The following VSTM5 variants were observed in gnomAD, a reference collection of about 807,000 sequenced individuals.
The protein encoded by VSTM5 is V-set and transmembrane domain containing 5, also known as V-set and transmembrane domain-containing protein 5.
VSTM5 carries 21 observed loss-of-function variants against 20.3 expected under a neutral mutation model. That is an observed-to-expected ratio of 1.03 (90% CI 0.73 to 1.49). The LOEUF (loss-of-function observed/expected upper bound fraction) is 1.49, where lower values mean the gene tolerates loss of function less well. Among genes scored for constraint, VSTM5 ranks in the 40% most tolerant of loss-of-function variants. The pLI, the probability that VSTM5 is intolerant of heterozygous loss-of-function variation, is 0.00. For missense variants in VSTM5, 219 were observed against 250.0 expected (o/e 0.88, Z 0.84); for synonymous variants, 100 against 102.5 (o/e 0.98, Z 0.14).
At chr11:93,838,213 T>G (rs1944339419) in intron 1 of VSTM5, among the ~76,000 whole-genome samples, 1 of 152,200 alleles carries the variant, frequency 6.6e-6, no homozygotes. Flanking sequence ...GGCTCACGCC[T>G]GTAATCCCAG....
At chr11:93,847,825 A>T (rs1944426327) in intron 1 of VSTM5, among the ~76,000 whole-genome samples, 1 of 152,244 alleles carries the variant, frequency 6.6e-6, no homozygotes, top group Admixed American at 6.5e-5. Flanking sequence ...CTTAAACCAC[A>T]GTTATTTCTC....
chr11:93,821,098 T>G lies in VSTM5; in HGVS notation c.317A>C (p.Gln106Pro). 1 of 1,551,894 alleles carries G rather than the reference T, an allele frequency of 6.4e-7. No homozygotes were observed. Among genetic ancestry groups the G allele is most frequent in the Non-Finnish European group, 8.7e-7 (1 of 1,147,030 alleles). ...RVCTFDNGSIQLFSVGVRDSG... is the reference protein window; with the variant it reads ...RVCTFDNGSIPLFSVGVRDSG... ...ATCCCTCACTCCCACGCTGAAGAGC[T>G]GGATGGAGCCGTTGTCAAAGGTGCA... Residue 106 changes from glutamine (Q) to proline (P), a missense_variant, in exon 2 of 4, where the codon CAG becomes CCG. Transcript: ENST00000409977.
At chr11:93,828,468 C>T (rs550408410) in intron 1 of VSTM5, among the ~76,000 whole-genome samples, 4 of 152,218 alleles carry the variant, frequency 2.6e-5, no homozygotes, top group East Asian at 3.9e-4. Flanking sequence ...TTGTACTTTT[C>T]GTTTTTTTAA....
At chr11:93,823,283 G>A (rs1028415933) in intron 1 of VSTM5, among the ~76,000 whole-genome samples, 1 of 151,884 alleles carries the variant, frequency 6.6e-6, no homozygotes, top group East Asian at 1.9e-4. Flanking sequence ...CTCCCAGAGT[G>A]TTGGGATTAC....
rs1944151892 is a variant in VSTM5 at position 93,818,639 on chromosome 11, C to CT, written c.*1929_*1930insA. On this transcript the variant is annotated 3_prime_UTR_variant, in exon 4 of 4. Transcript: ENST00000409977. ...TTGCCAGCCCTGACTTCGGGACAAG[C>CT]GGAAGAGCAGAGTTCTGAAAGGCAG... 2 of 151,590 alleles carry CT rather than the reference C, an allele frequency of 1.3e-5. No homozygotes were observed. The highest frequency in any genetic ancestry group is 4.8e-5 in the African/African-American group (2 of 41,262). 9.4% of individuals were successfully genotyped at this position (151,590 alleles called of 1,614,324 possible).
intron 1 of VSTM5, among the ~76,000 whole-genome samples, chr11:93,850,170 G>A (rs1055950886): frequency 6.6e-6 from 1 of 152,146 alleles, no homozygotes; most frequent in African/African-American, 2.4e-5. Context: ...GTGGGCCGGG[G>A]CGCCGCGGCC....
At chr11:93,843,536 A>G (rs1403428995) in intron 1 of VSTM5, among the ~76,000 whole-genome samples, 1 of 152,196 alleles carries the variant, frequency 6.6e-6, no homozygotes, top group Non-Finnish European at 1.5e-5. Context: ...TTCTGCACCT[A>G]TAAAATAAGG....
rs7130639 is a variant in VSTM5, at chr11:93,846,780, T to G, written c.91+3632A>C. Among the ~76,000 whole-genome samples the G allele has an allele frequency of 4.8e-5, 5 of 104,168 alleles. No individual in the cohort carries two copies. The South Asian group carries it at 1.3e-3, about 27-fold the overall frequency. The allele number at this position is 104,168 out of a possible 152,430, so 68.3% of individuals were successfully genotyped here. A position where few individuals can be genotyped will look rare whatever the true frequency, so the allele number is the denominator to read the frequency against. On this transcript the variant is annotated intron_variant, in intron 1 of 3. Transcript: ENST00000409977. Reference sequence around the variant, plus strand: ...AATTTTTTTTAATTTTTTTTTTTTTTTTTTTGAGATGGAGTCTCACTCTGT... The same window carrying G: ...AATTTTTTTTAATTTTTTTTTTTTTGTTTTTGAGATGGAGTCTCACTCTGT...
rs1358486795 is a variant in VSTM5, at chr11:93,846,880, C to T, written c.91+3532G>A. ...CTCCCGGGTTCAAGCGATTCTCCTG[C>T]CTCAGCCTCCCAAGTAGCTGAGACT... On this transcript the variant is annotated intron_variant, in intron 1 of 3. Coordinates refer to ENST00000409977, the MANE Select transcript of VSTM5 (RefSeq NM_001144871.2). Among the ~76,000 whole-genome samples, 7 of 151,664 alleles carry T rather than the reference C, an allele frequency of 4.6e-5. No homozygotes were observed. The East Asian group carries it at 1.4e-3, about 29-fold the overall frequency.
Position 93,818,530 on chromosome 11 carries a change from T to TGC in VSTM5, c.*2038_*2039insGC, listed in dbSNP as rs1555036031. 2.5e-5 allele frequency: 3 copies of TGC among 121,552 alleles called. No individual in the cohort carries two copies. The highest frequency in any genetic ancestry group is 3.1e-4 in the South Asian group (1 of 3,272). The allele number at this position is 121,552 out of a possible 1,614,324, so 7.5% of individuals were successfully genotyped here. A position where few individuals can be genotyped will look rare whatever the true frequency, so the allele number is the denominator to read the frequency against. The stretch of plus-strand genomic sequence containing the variant: ...GATGTGAATAAACTGTCATGAGATT[T>TGC]GGGCGGGGGGGCAATTTAATTGACA... On this transcript the variant is annotated 3_prime_UTR_variant, in exon 4 of 4. Coordinates refer to ENST00000409977, the MANE Select transcript of VSTM5 (RefSeq NM_001144871.2).
intron 1 of VSTM5, among the ~76,000 whole-genome samples, chr11:93,849,266 T>TC (rs1450644386): frequency 6.6e-6 from 1 of 151,970 alleles, no homozygotes; most frequent in Non-Finnish European, 1.5e-5. Flanking sequence ...TCACCTCAGC[T>TC]CCCCCGCCGC....
In VSTM5 at chr11:93,820,253, G is replaced by T; in HGVS notation, c.*316C>A. 1 of 367,858 alleles carries T rather than the reference G, an allele frequency of 2.7e-6. No individual in the cohort carries two copies. Among genetic ancestry groups the T allele is most frequent in the Non-Finnish European group, 5.1e-6 (1 of 197,614 alleles). 22.8% of individuals were successfully genotyped at this position (367,858 alleles called of 1,614,324 possible). Reference sequence around the variant, plus strand: ...CAGGCCATCCTGCACACCAGAGCAAGTGTCGTGAGCAAGCAGCCAACGCCT... The same window carrying T: ...CAGGCCATCCTGCACACCAGAGCAATTGTCGTGAGCAAGCAGCCAACGCCT... On this transcript the variant is annotated 3_prime_UTR_variant, in exon 4 of 4. Transcript: ENST00000409977.
At chr11:93,823,247 A>G (rs1944204866) in intron 1 of VSTM5, among the ~76,000 whole-genome samples, 1 of 149,490 alleles carries the variant, frequency 6.7e-6, no homozygotes, top group South Asian at 2.1e-4. Context: ...TGTTGCTAGG[A>G]CTGGTCTTGG....
chr11:93,845,004 G>C (rs922760720), intron 1 of VSTM5, among the ~76,000 whole-genome samples: 1 of 66,822 alleles, frequency 1.5e-5, no homozygotes, highest in Non-Finnish European at 3.2e-5. Context: ...ACACAGGTGA[G>C]ACTCTAAGAC....
intron 1 of VSTM5, among the ~76,000 whole-genome samples, chr11:93,832,393 T>G (rs1358025720): frequency 6.6e-6 from 1 of 152,230 alleles, no homozygotes; most frequent in Non-Finnish European, 1.5e-5. Context: ...CAGTTATCCA[T>G]ATAAATGCAT....
intron 1 of VSTM5, among the ~76,000 whole-genome samples, chr11:93,835,996 C>G (rs948335776): frequency 3.9e-5 from 6 of 152,196 alleles, no homozygotes; most frequent in Non-Finnish European, 7.3e-5. Flanking sequence ...ATAATCCCAT[C>G]TCCCAGATTT....
intron 1 of VSTM5, among the ~76,000 whole-genome samples, chr11:93,838,784 C>T (rs887196235): frequency 6.6e-6 from 1 of 152,144 alleles, no homozygotes; most frequent in Non-Finnish European, 1.5e-5. Flanking sequence ...GGTGACAGAG[C>T]GAGACCCTGT....
At chr11:93,823,348 A>T (rs992807883) in intron 1 of VSTM5, among the ~76,000 whole-genome samples, 1 of 152,098 alleles carries the variant, frequency 6.6e-6, no homozygotes, top group African/African-American at 2.4e-5. Flanking sequence ...TTTTTTTTAA[A>T]TTTAATTGAC....
At chr11:93,843,369 A>G (rs1378997022) in intron 1 of VSTM5, among the ~76,000 whole-genome samples, 1 of 152,078 alleles carries the variant, frequency 6.6e-6, no homozygotes, top group Non-Finnish European at 1.5e-5. Context: ...GCCGTCAGCT[A>G]TGTGAACACA....
Sources: allele counts gnomAD v4.1 joint callset (sites outside exome capture counted in the v4.1 genomes callset), GRCh38; gene constraint gnomAD v4.1.1; transcripts MANE v1.5; gene names NCBI Gene and HGNC (gene_info 2026-07-23, HGNC 2026-07-21).